Variants in ARHGAP26 observed in about 807,000 individuals in gnomAD.
ARHGAP26 encodes rho GTPase-activating protein 26.
Under a neutral mutation model 104.8 loss-of-function variants are expected in ARHGAP26, and 38 were observed. That is an observed-to-expected ratio of 0.36 (90% CI 0.28 to 0.48). The LOEUF (loss-of-function observed/expected upper bound fraction) is 0.48. Among genes scored for constraint, ARHGAP26 ranks in the 20% least tolerant of loss-of-function variants. ARHGAP26 has a pLI of 0.99. For missense variants in ARHGAP26, 704 were observed against 947.9 expected, an observed-to-expected ratio of 0.74 and a Z score of 3.38; for synonymous variants, 341 against 340.0, an observed-to-expected ratio of 1.00 and a Z score of -0.03.
intron 11 of ARHGAP26, among the ~76,000 whole-genome samples, chr5:143,009,238 T>C (rs917236820): frequency 2.0e-5 from 3 of 152,188 alleles, no homozygotes; most frequent in Admixed American, 1.3e-4. Flanking sequence ...TCAGGGCAAG[T>C]TCTTCCTTCC....
intron 11 of ARHGAP26, among the ~76,000 whole-genome samples, chr5:142,938,094 T>A (rs1045240488): frequency 2.6e-5 from 4 of 152,140 alleles, no homozygotes; most frequent in African/African-American, 9.7e-5. Flanking sequence ...ACAACGAGTA[T>A]AGTCTAGTTA....
At chr5:142,808,589 A>G (rs1477363798) in intron 1 of ARHGAP26, among the ~76,000 whole-genome samples, 1 of 152,058 alleles carries the variant, frequency 6.6e-6, no homozygotes, top group Non-Finnish European at 1.5e-5. Flanking sequence ...CCAGAAATAC[A>G]ATCTTTTGAT....
At chr5:142,967,762 G>A (rs1264555563) in intron 11 of ARHGAP26, among the ~76,000 whole-genome samples, 1 of 152,188 alleles carries the variant, frequency 6.6e-6, no homozygotes, top group Admixed American at 6.5e-5. Flanking sequence ...GTTTGTTAGA[G>A]AACAGAGGAT....
chr5:143,204,191 A>C (rs1458549193), intron 20 of ARHGAP26, among the ~76,000 whole-genome samples: 1 of 152,196 alleles, frequency 6.6e-6, no homozygotes, highest in Non-Finnish European at 1.5e-5. Context: ...CTATGGCTAA[A>C]ACATAAACAA....
At chr5:143,094,386 C>T (rs1291937287) in intron 17 of ARHGAP26, among the ~76,000 whole-genome samples, 2 of 152,178 alleles carry the variant, frequency 1.3e-5, no homozygotes, top group Non-Finnish European at 2.9e-5. Context: ...TTATTCCTCG[C>T]ACTGGGTGGG....
At chr5:142,822,520 G>A (rs2152078733) in intron 1 of ARHGAP26, among the ~76,000 whole-genome samples, 1 of 152,080 alleles carries the variant, frequency 6.6e-6, no homozygotes, top group South Asian at 2.1e-4. Flanking sequence ...GTATAATGTG[G>A]TACTGGAGAT....
At chr5:142,914,935 C>T (rs750827152) in intron 10 of ARHGAP26, among the ~76,000 whole-genome samples, 2 of 152,220 alleles carry the variant, frequency 1.3e-5, no homozygotes, top group African/African-American at 2.4e-5. Context: ...ATCAAATGCA[C>T]AGTTCCTAGA....
intron 5 of ARHGAP26, among the ~76,000 whole-genome samples, chr5:142,893,357 A>T (rs141497396): frequency 1.7e-3 from 252 of 152,258 alleles, no homozygotes; most frequent in African/African-American, 5.6e-3. Flanking sequence ...CTACATATGA[A>T]TAAGAAGATG....
rs145183801 is a variant in ARHGAP26 at position 142,918,615 on chromosome 5, T to C, written c.1028+5322T>C. Reference sequence around the variant, plus strand: ...ATTTCAGAGGTCACATCTCCTCTAATTTCTTTTCTCTAGTGCCTTCCTTTT... The same window carrying C: ...ATTTCAGAGGTCACATCTCCTCTAACTTCTTTTCTCTAGTGCCTTCCTTTT... On this transcript the variant is annotated intron_variant, in intron 10 of 22. Transcript: ENST00000645722. Among the ~76,000 whole-genome samples the C allele has an allele frequency of 2.9e-4, 44 of 152,316 alleles. No homozygotes were observed. The Middle Eastern group carries it at 0.01, about 35-fold the overall frequency.
At chr5:143,084,661 G>A (rs1300174926) in intron 17 of ARHGAP26, among the ~76,000 whole-genome samples, 6 of 152,170 alleles carry the variant, frequency 3.9e-5, no homozygotes, top group Non-Finnish European at 7.3e-5. Context: ...TCCACTCCAT[G>A]CCAAAGGCTC....
chr5:143,046,989 C>A (rs1784335008), intron 14 of ARHGAP26, among the ~76,000 whole-genome samples: 1 of 152,178 alleles, frequency 6.6e-6, no homozygotes. Flanking sequence ...CAAAATTGAA[C>A]TCACTGTGCA....
At chr5:142,833,314 G>T (rs572650348) in intron 1 of ARHGAP26, among the ~76,000 whole-genome samples, 2 of 151,492 alleles carry the variant, frequency 1.3e-5, no homozygotes, top group East Asian at 3.9e-4. Context: ...GCCTGCCTCA[G>T]CCTCCCAAAG....
chr5:143,064,327 A>G (rs1787169350), intron 17 of ARHGAP26, among the ~76,000 whole-genome samples: 1 of 151,488 alleles, frequency 6.6e-6, no homozygotes, highest in South Asian at 2.1e-4. Context: ...CCAAAAGAGG[A>G]GCTCGATGTT....
At chr5:143,188,462 A>G (rs981553266) in intron 20 of ARHGAP26, among the ~76,000 whole-genome samples, 4 of 152,388 alleles carry the variant, frequency 2.6e-5, no homozygotes, top group East Asian at 1.9e-4. Flanking sequence ...TGTCATTTGT[A>G]ATAGTCCTTC....
chr5:143,058,022 TTGGAG>T, intron 17 of ARHGAP26: 2 of 608,716 alleles, frequency 3.3e-6, no homozygotes, highest in South Asian at 3.0e-5. Context: ...CAAGGGCAAA[TTGGAG>T]TGTGTTGTCC....
At chr5:142,788,292 C>T (rs1036637005) in intron 1 of ARHGAP26, among the ~76,000 whole-genome samples, 15 of 152,118 alleles carry the variant, frequency 9.9e-5, no homozygotes, top group South Asian at 2.1e-4. Flanking sequence ...CGAGACACCG[C>T]GCCCGGCCAA....
chr5:142,982,619 G>T (rs1774104649), intron 11 of ARHGAP26, among the ~76,000 whole-genome samples: 1 of 152,244 alleles, frequency 6.6e-6, no homozygotes, highest in African/African-American at 2.4e-5. Context: ...GCCAATTCCA[G>T]CCTCGCTATT....
intron 9 of ARHGAP26, among the ~76,000 whole-genome samples, chr5:142,911,588 A>G (rs149286163): frequency 1.7e-3 from 256 of 152,340 alleles, no homozygotes; most frequent in African/African-American, 5.5e-3. Flanking sequence ...AAAGCAATCA[A>G]TAGTTGAACA....
intron 12 of ARHGAP26, 37 bp downstream of exon 12, chr5:143,014,153 G>T (rs1440640426): frequency 6.2e-7 from 1 of 1,612,148 alleles, no homozygotes; most frequent in Non-Finnish European, 8.5e-7. Flanking sequence ...TACAGCCAGG[G>T]TTGGGAGTAG....
Sources: allele counts gnomAD v4.1 joint callset (sites outside exome capture counted in the v4.1 genomes callset), GRCh38; gene constraint gnomAD v4.1.1; transcripts MANE v1.5; gene names NCBI Gene and HGNC (gene_info 2026-07-23, HGNC 2026-07-21).